RALGPS2: variants seen among roughly 807,000 people sequenced by gnomAD.
The protein encoded by RALGPS2 is Ral GEF with PH domain and SH3 binding motif 2, also known as ras-specific guanine nucleotide-releasing factor RalGPS2.
In RALGPS2, 43 loss-of-function variants were observed where a neutral mutation model predicts 86.8. The observed-to-expected ratio is 0.50, with a 90% CI of 0.39 to 0.64. The LOEUF (loss-of-function observed/expected upper bound fraction) is 0.64. RALGPS2 is among the 30% of genes least tolerant of loss of function. The probability of loss-of-function intolerance (pLI) is 0.00; values close to 1 mark genes in which losing one functional copy is unlikely to be tolerated. For synonymous variants in RALGPS2, 243 were observed against 231.3 expected (o/e 1.05, Z -0.46); for missense variants, 536 against 694.6 (o/e 0.77, Z 2.57).
At chr1:178,806,176 A>C (rs192428004) in intron 4 of RALGPS2, among the ~76,000 whole-genome samples, 1 of 152,038 alleles carries the variant, frequency 6.6e-6, no homozygotes. Context: ...TAAAGCACAT[A>C]CTCTACTAGT....
intron 1 of RALGPS2, among the ~76,000 whole-genome samples, chr1:178,771,299 T>C (rs1652802623): frequency 6.6e-6 from 1 of 152,262 alleles, no homozygotes; most frequent in Non-Finnish European, 1.5e-5. Context: ...TTGAGTTTCC[T>C]TTAAATTGTA....
chr1:178,839,291 C>A (rs927882232), intron 8 of RALGPS2, among the ~76,000 whole-genome samples: 1 of 152,144 alleles, frequency 6.6e-6, no homozygotes, highest in Non-Finnish European at 1.5e-5. Flanking sequence ...AAAGGGAAGC[C>A]CATCAAACTA....
intron 19 of RALGPS2, among the ~76,000 whole-genome samples, chr1:178,914,614 T>C (rs1338346627): frequency 6.6e-6 from 1 of 152,068 alleles, no homozygotes; most frequent in African/African-American, 2.4e-5. Flanking sequence ...AGATCTCTCT[T>C]GGTGGGAGAA....
intron 8 of RALGPS2, among the ~76,000 whole-genome samples, chr1:178,873,103 A>G (rs984966192): frequency 6.6e-6 from 1 of 152,200 alleles, no homozygotes; most frequent in African/African-American, 2.4e-5. Flanking sequence ...GAATGGTTAC[A>G]ATACTGCAGA....
intron 18 of RALGPS2, among the ~76,000 whole-genome samples, chr1:178,904,144 G>A (rs1660293965): frequency 1.3e-5 from 2 of 151,856 alleles, no homozygotes; most frequent in Admixed American, 6.6e-5. Flanking sequence ...GGCCATTTGT[G>A]TATCTTCTTT....
intron 3 of RALGPS2, 132 bp downstream of exon 3, chr1:178,784,654 A>G (rs1377257789): frequency 6.5e-6 from 4 of 611,106 alleles, no homozygotes; most frequent in Non-Finnish European, 1.1e-5. Context: ...TGGGGAAAAT[A>G]GTACAGCTGT....
chr1:178,874,001 C>A (rs1050868212), intron 8 of RALGPS2, among the ~76,000 whole-genome samples: 13 of 152,106 alleles, frequency 8.5e-5, no homozygotes, highest in African/African-American at 3.1e-4. Flanking sequence ...CTGCCTCAGC[C>A]TCCCATACTA....
intron 4 of RALGPS2, among the ~76,000 whole-genome samples, chr1:178,788,455 A>C (rs1225648281): frequency 1.3e-5 from 2 of 152,214 alleles, no homozygotes; most frequent in Non-Finnish European, 2.9e-5. Flanking sequence ...GAGAATAGGA[A>C]GTGTGAGGGT....
chr1:178,911,634 T>A (rs1229250361), intron 19 of RALGPS2, among the ~76,000 whole-genome samples: 1 of 152,200 alleles, frequency 6.6e-6, no homozygotes, highest in African/African-American at 2.4e-5. Context: ...TGCCCAAGCA[T>A]GTGGTTGATC....
At chr1:178,903,437 G>C (rs1392917832) in intron 18 of RALGPS2, among the ~76,000 whole-genome samples, 2 of 151,942 alleles carry the variant, frequency 1.3e-5, no homozygotes, top group African/African-American at 2.4e-5. Flanking sequence ...GTGAGATTTT[G>C]GTGCACCCAT....
chr1:178,832,085 G>A (rs1361600806), intron 7 of RALGPS2, among the ~76,000 whole-genome samples: 2 of 152,134 alleles, frequency 1.3e-5, no homozygotes, highest in Non-Finnish European at 2.9e-5. Flanking sequence ...TGCATATCCA[G>A]ATACTTCCTT....
chr1:178,800,537 A>G (rs1654419926), intron 4 of RALGPS2, among the ~76,000 whole-genome samples: 1 of 152,116 alleles, frequency 6.6e-6, no homozygotes, highest in Non-Finnish European at 1.5e-5. Flanking sequence ...GATTTTCTTA[A>G]TGACATTTTA....
chr1:178,768,929 A>T (rs1652646510), intron 1 of RALGPS2, among the ~76,000 whole-genome samples: 1 of 152,150 alleles, frequency 6.6e-6, no homozygotes, highest in South Asian at 2.1e-4. Context: ...CTGGGCATGG[A>T]GCAGAGATAG....
intron 1 of RALGPS2, among the ~76,000 whole-genome samples, chr1:178,751,920 T>G (rs1440229317): frequency 6.6e-6 from 1 of 151,854 alleles, no homozygotes; most frequent in African/African-American, 2.4e-5. Context: ...GCAAAAAACG[T>G]TTTTTTTCCT....
chr1:178,872,509 C>T (rs1658813467), intron 8 of RALGPS2, among the ~76,000 whole-genome samples: 1 of 152,182 alleles, frequency 6.6e-6, no homozygotes, highest in Admixed American at 6.5e-5. Flanking sequence ...GATTATGAGA[C>T]AGTGTTGCCA....
At chr1:178,877,441 G>C (rs1014230017) in intron 8 of RALGPS2, 57 bp from the exon 9 acceptor site, 1 of 1,599,364 alleles carries the variant, frequency 6.3e-7, no homozygotes, top group South Asian at 1.1e-5. Flanking sequence ...CCTTTTCTTT[G>C]TCATAGTCTC....
intron 8 of RALGPS2, among the ~76,000 whole-genome samples, chr1:178,859,820 GC>G (rs796122342): frequency 0.085 from 766 of 9,024 alleles, 70 homozygotes; most frequent in East Asian, 0.24. Flanking sequence ...GCCTCTGCCC[GC>G]CCCCCCCCCC....
intron 8 of RALGPS2, chr1:178,850,964 A>G (rs537876518): frequency 2.9e-5 from 16 of 550,266 alleles, no homozygotes; most frequent in Non-Finnish European, 4.0e-5. Context: ...TTGACGACAG[A>G]TGAAACTACA....
At chr1:178,895,602 G>C (rs994934227) in intron 16 of RALGPS2, among the ~76,000 whole-genome samples, 1 of 152,072 alleles carries the variant, frequency 6.6e-6, no homozygotes. Flanking sequence ...AGACAAGAAG[G>C]CTTGTGTAGT....
Sources: gnomAD v4.1 joint callset for allele counts (sites outside exome capture counted in the v4.1 genomes callset) on GRCh38, gnomAD v4.1.1 for gene constraint, MANE v1.5 for transcripts, NCBI Gene and HGNC (gene_info 2026-07-23, HGNC 2026-07-21) for gene names.